The following KCNB2 variants were observed in gnomAD, a reference collection of about 807,000 sequenced individuals.
The protein encoded by KCNB2 is delayed rectifier potassium channel protein.
In KCNB2, 15 loss-of-function variants were observed where a neutral mutation model predicts 61.5. The observed-to-expected ratio is 0.24, with a 90% CI of 0.16 to 0.38. The LOEUF is 0.38. Ranked by LOEUF, KCNB2 falls within the 10% of genes least tolerant of loss-of-function variation. The pLI is 1.00. For synonymous variants in KCNB2, 457 were observed against 446.0 expected (o/e 1.02, Z -0.31); for missense variants, 828 against 1,125.2 (o/e 0.74, Z 3.78).
chr8:72,723,160 T>G (rs1037054405), intron 2 of KCNB2, among the ~76,000 whole-genome samples: 1 of 152,210 alleles, frequency 6.6e-6, no homozygotes, highest in African/African-American at 2.4e-5. Flanking sequence ...ATGAAATGAT[T>G]AGTTAATTAA....
chr8:72,782,171 T>C (rs1808769452), intron 2 of KCNB2, among the ~76,000 whole-genome samples: 1 of 152,024 alleles, frequency 6.6e-6, no homozygotes, highest in Non-Finnish European at 1.5e-5. Context: ...AAACAGCATG[T>C]TGGTGTGAGA....
intron 2 of KCNB2, among the ~76,000 whole-genome samples, chr8:72,746,304 T>C (rs968714247): frequency 2.0e-5 from 3 of 150,168 alleles, no homozygotes; most frequent in African/African-American, 5.0e-5. Flanking sequence ...AAATGTTACA[T>C]TGAGCAGATG....
At chr8:72,756,479 G>A (rs2128996091) in intron 2 of KCNB2, among the ~76,000 whole-genome samples, 1 of 152,318 alleles carries the variant, frequency 6.6e-6, no homozygotes, top group East Asian at 1.9e-4. Context: ...CTACATACTT[G>A]AATCACCTAT....
At chr8:72,830,395 G>C (rs959705022) in intron 2 of KCNB2, among the ~76,000 whole-genome samples, 1 of 151,972 alleles carries the variant, frequency 6.6e-6, no homozygotes, top group Admixed American at 6.6e-5. Flanking sequence ...AAAGATTCAG[G>C]GCTATTCAAA....
At chr8:72,861,846 C>T (rs1805419747) in intron 2 of KCNB2, among the ~76,000 whole-genome samples, 1 of 152,130 alleles carries the variant, frequency 6.6e-6, no homozygotes. Context: ...GGATAGTTTA[C>T]GTCTCCTGTG....
At chr8:72,926,928 G>A (rs1271696281) in intron 2 of KCNB2, among the ~76,000 whole-genome samples, 6 of 152,136 alleles carry the variant, frequency 3.9e-5, no homozygotes, top group African/African-American at 1.4e-4. Flanking sequence ...GCTTTGCCTT[G>A]CCTGAATTCC....
intron 2 of KCNB2, among the ~76,000 whole-genome samples, chr8:72,865,424 A>C (rs1185966081): frequency 6.6e-6 from 1 of 152,086 alleles, no homozygotes; most frequent in Non-Finnish European, 1.5e-5. Context: ...TCTCTGAAAA[A>C]AGTCCCCTGG....
At chr8:72,721,951 CTT>C (rs1236583540) in intron 2 of KCNB2, among the ~76,000 whole-genome samples, 8 of 152,208 alleles carry the variant, frequency 5.3e-5, no homozygotes, top group Admixed American at 2.6e-4. Context: ...TAAATGCACT[CTT>C]TTCTCCATTG....
intron 2 of KCNB2, among the ~76,000 whole-genome samples, chr8:72,866,360 G>A (rs1362475487): frequency 6.6e-6 from 1 of 152,172 alleles, no homozygotes; most frequent in Non-Finnish European, 1.5e-5. Flanking sequence ...TGCCCATAGG[G>A]ACAGTCAATG....
At chr8:72,606,705 C>G (rs879111615) in intron 2 of KCNB2, among the ~76,000 whole-genome samples, 1 of 152,096 alleles carries the variant, frequency 6.6e-6, no homozygotes, top group African/African-American at 2.4e-5. Context: ...ATGAATAGTC[C>G]GCCAGGATGG....
At chr8:72,835,671 A>G (rs1809769331) in intron 2 of KCNB2, among the ~76,000 whole-genome samples, 1 of 152,240 alleles carries the variant, frequency 6.6e-6, no homozygotes, top group Non-Finnish European at 1.5e-5. Context: ...CAAATCACAT[A>G]TGGCACAAGT....
chr8:72,630,921 G>A (rs772580943), intron 2 of KCNB2, among the ~76,000 whole-genome samples: 10 of 152,070 alleles, frequency 6.6e-5, no homozygotes, highest in South Asian at 2.1e-4. Context: ...TGCAATAGGC[G>A]CCCCTTATCT....
intron 2 of KCNB2, chr8:72,660,678 A>G (rs1415764294): frequency 6.6e-6 from 1 of 152,226 alleles, no homozygotes; most frequent in African/African-American, 2.4e-5. Context: ...TGGCTTTGAT[A>G]ACAGTAATTT....
At chr8:72,839,803 C>T (rs1317580031) in intron 2 of KCNB2, among the ~76,000 whole-genome samples, 2 of 151,600 alleles carry the variant, frequency 1.3e-5, no homozygotes, top group African/African-American at 2.4e-5. Context: ...TTAGTAGAGA[C>T]GGGGTTTCAC....
intron 2 of KCNB2, among the ~76,000 whole-genome samples, chr8:72,849,124 A>G (rs1810049059): frequency 1.6e-5 from 2 of 127,432 alleles, no homozygotes; most frequent in Non-Finnish European, 3.3e-5. Flanking sequence ...CTTAGCCACA[A>G]AAAGAGGTTT....
At position 72,883,139 on chromosome 8, in the gene KCNB2, A is replaced by G. The variant is rs1051166515; in HGVS notation, c.580-52796A>G. Among the ~76,000 whole-genome samples, 10 of 152,336 alleles carry G rather than the reference A, an allele frequency of 6.6e-5. No individual in the cohort carries two copies. In the East Asian group the frequency reaches 1.9e-3, roughly 29 times the overall value. ...TCTGCAAGGCCAGATGGTTGAGAACATGGCTGGGGGAGGGTCCACTTCACT... is the reference window on the plus strand; with the variant it reads ...TCTGCAAGGCCAGATGGTTGAGAACGTGGCTGGGGGAGGGTCCACTTCACT... On this transcript the variant is annotated intron_variant, in intron 2 of 2. Transcript: ENST00000523207.
chr8:72,870,533 G>C (rs976652326), intron 2 of KCNB2, among the ~76,000 whole-genome samples: 2 of 152,138 alleles, frequency 1.3e-5, no homozygotes, highest in African/African-American at 2.4e-5. Context: ...GTTCTCATCT[G>C]AAAGGAAACA....
chr8:72,545,548 C>G (rs1010268968), intron 1 of KCNB2, among the ~76,000 whole-genome samples: 1 of 152,124 alleles, frequency 6.6e-6, no homozygotes, highest in African/African-American at 2.4e-5. Context: ...GTGTGGGTCC[C>G]AACTTCTCCA....
At chr8:72,750,467 A>T (rs993849841) in intron 2 of KCNB2, 1 of 152,186 alleles carries the variant, frequency 6.6e-6, no homozygotes, top group African/African-American at 2.4e-5. Flanking sequence ...CTTCATCAGC[A>T]ATGTATCCCA....
Sources: gnomAD v4.1 joint callset for allele counts (sites outside exome capture counted in the v4.1 genomes callset) on GRCh38, gnomAD v4.1.1 for gene constraint, MANE v1.5 for transcripts, NCBI Gene and HGNC (gene_info 2026-07-23, HGNC 2026-07-21) for gene names.